AKT1: variants seen among roughly 807,000 people sequenced by gnomAD.
AKT1 encodes RAC-alpha serine/threonine-protein kinase.
Under a neutral mutation model 63.1 loss-of-function variants are expected in AKT1, and 21 were observed. That is an observed-to-expected ratio of 0.33 (90% CI 0.24 to 0.48). The LOEUF is 0.48. AKT1 is among the 20% of genes least tolerant of loss of function. AKT1 has a pLI of 0.99. For synonymous variants in AKT1, 257 were observed against 253.1 expected, an observed-to-expected ratio of 1.02 and a Z score of -0.15; for missense variants, 382 against 666.0, an observed-to-expected ratio of 0.57 and a Z score of 4.69.
chr14:104,772,262 G>A (rs1171797943), intron 13 of AKT1, 103 bp downstream of exon 13: 1 of 1,262,648 alleles, frequency 7.9e-7, no homozygotes, highest in African/African-American at 1.5e-5. Flanking sequence ...CTCCTGAGGT[G>A]AGGGCGAGTG....
In AKT1 at chr14:104,773,563, G is replaced by A. The variant is rs1351020575; in HGVS notation, c.720C>T (p.Ser240=). 1 of 1,607,402 alleles carries A rather than the reference G, an allele frequency of 6.2e-7. No individual in the cohort carries two copies. Among genetic ancestry groups the A allele is most frequent in the Admixed American group, 1.7e-5 (1 of 58,748 alleles). Residue 240 remains serine, a synonymous_variant, in exon 10 of 15, where the codon TCC becomes TCT. Transcript: ENST00000649815. Reference sequence around the variant, plus strand: ...GGTCCTCGGAGAACACACGCTCCCGGGACAGGTGGAAGAACAGCTGCGGGA... The same window carrying A: ...GGTCCTCGGAGAACACACGCTCCCGAGACAGGTGGAAGAACAGCTGCGGGA... ...ANGGELFFHL[S]RERVFSEDRA...
intron 8 of AKT1, 100 bp from the exon 9 acceptor site, chr14:104,774,080 AC>A: frequency 8.7e-7 from 1 of 1,155,988 alleles, no homozygotes; most frequent in Non-Finnish European, 1.3e-6. Flanking sequence ...GTCGCCTGAT[AC>A]CACACCGCCC....
chr14:104,776,966 C>T, intron 4 of AKT1, 196 bp from the exon 5 acceptor site: 1 of 557,066 alleles, frequency 1.8e-6, no homozygotes, highest in South Asian at 2.1e-5. Flanking sequence ...AGCTCAGACA[C>T]TCTACTCCAG....
At chr14:104,785,773 C>T (rs1468227200) in intron 3 of AKT1, among the ~76,000 whole-genome samples, 1 of 152,188 alleles carries the variant, frequency 6.6e-6, no homozygotes, top group Non-Finnish European at 1.5e-5. Context: ...GCCCGACACA[C>T]ACACCCCGGG....
intron 5 of AKT1, chr14:104,776,003 C>T (rs1376518302): frequency 3.4e-6 from 2 of 589,220 alleles, no homozygotes; most frequent in African/African-American, 1.9e-5. Flanking sequence ...GACACCCAGG[C>T]TTAGCCCCCC....
chr14:104,777,452 G>A (rs1199086284), intron 4 of AKT1: 1 of 766,088 alleles, frequency 1.3e-6, no homozygotes, highest in Non-Finnish European at 1.6e-6. Flanking sequence ...GGAATACACA[G>A]ACATCTAGAA....
At chr14:104,776,912 C>G in intron 4 of AKT1, 142 bp from the exon 5 acceptor site, 3 of 651,448 alleles carry the variant, frequency 4.6e-6, no homozygotes, top group Non-Finnish European at 7.9e-6. Flanking sequence ...TCTCTCCAAG[C>G]CTCAGTTTCT....
chr14:104,773,754 C>A, intron 9 of AKT1, 158 bp downstream of exon 9: 1 of 1,220,616 alleles, frequency 8.2e-7, no homozygotes. Flanking sequence ...AACAAGTCAC[C>A]CCACAGCAGG....
chr14:104,774,029 C>T (rs749405704), intron 8 of AKT1, 49 bp from the exon 9 acceptor site: 1 of 1,566,402 alleles, frequency 6.4e-7, no homozygotes, highest in Non-Finnish European at 8.7e-7. Context: ...AGGACGGCAG[C>T]CCCGCACCAC....
At chr14:104,776,861 T>A (rs1892744910) in intron 4 of AKT1, 91 bp from the exon 5 acceptor site, 1 of 1,036,876 alleles carries the variant, frequency 9.6e-7, no homozygotes, top group East Asian at 2.6e-5. Context: ...CAGCTCCCCT[T>A]GCATACCACC....
At position 104,773,533 on chromosome 14, in the gene AKT1, G is replaced by C. The variant is rs1892522821; in HGVS notation, c.750C>G (p.Ala250=). 1 of 1,612,702 alleles carries C rather than the reference G, an allele frequency of 6.2e-7. No homozygotes were observed. Residue 250 remains alanine, a synonymous_variant, in exon 10 of 15, where the codon GCC becomes GCG. Transcript: ENST00000649815. Reference sequence around the variant, plus strand: ...ACACAATCTCAGCGCCATAGAAGCGGGCCCGGTCCTCGGAGAACACACGCT... The same window carrying C: ...ACACAATCTCAGCGCCATAGAAGCGCGCCCGGTCCTCGGAGAACACACGCT... The part of the protein sequence containing the change: ...SRERVFSEDR[A]RFYGAEIVSA...
At chr14:104,782,643 G>A (rs1399773969) in intron 3 of AKT1, among the ~76,000 whole-genome samples, 3 of 152,170 alleles carry the variant, frequency 2.0e-5, no homozygotes, top group Non-Finnish European at 4.4e-5. Context: ...AATGGGCCCT[G>A]GGCTTTCAGT....
intron 3 of AKT1, among the ~76,000 whole-genome samples, chr14:104,792,298 C>T (rs764615685): frequency 3.9e-5 from 6 of 152,196 alleles, no homozygotes; most frequent in Non-Finnish European, 8.8e-5. Flanking sequence ...CCAGTGTCCT[C>T]GCTGCCTTCC....
chr14:104,790,687 A>C (rs1893583932), intron 3 of AKT1, among the ~76,000 whole-genome samples: 1 of 152,106 alleles, frequency 6.6e-6, no homozygotes, highest in Non-Finnish European at 1.5e-5. Context: ...CGCCCACTAC[A>C]CTGGGGATGG....
chr14:104,783,871 G>GGTCT (rs1428479627), intron 3 of AKT1, among the ~76,000 whole-genome samples: 4 of 152,318 alleles, frequency 2.6e-5, no homozygotes, highest in Non-Finnish European at 5.9e-5. Flanking sequence ...TGGGCCTCAG[G>GGTCT]GTCTGGCAGG....
rs546879059 is a variant in AKT1, at chr14:104,788,081, G to C, written c.46+4517C>G. Among the ~76,000 whole-genome samples, 6 of 152,268 alleles carry C rather than the reference G, an allele frequency of 3.9e-5. 1 individual carries two copies. Among genetic ancestry groups the C allele is most frequent in the African/African-American group, 1.2e-4 (5 of 41,558 alleles). On this transcript the variant is annotated intron_variant, in intron 3 of 14. Coordinates refer to ENST00000649815, the MANE Select transcript of AKT1 (RefSeq NM_001382430.1). ...CCTCCCACCAGGAGCCAGCACACTT[G>C]CCTCCCCATCTCTGTCCCTGGCCTG...
At chr14:104,792,215 A>C (rs1379497695) in intron 3 of AKT1, among the ~76,000 whole-genome samples, 1 of 152,204 alleles carries the variant, frequency 6.6e-6, no homozygotes, top group Non-Finnish European at 1.5e-5. Flanking sequence ...GGCCAAGCCA[A>C]GCAGCCCTGC....
rs547916185 is a variant in AKT1, at chr14:104,771,650, C to T, written c.1260+715G>A. On this transcript the variant is annotated intron_variant, in intron 13 of 14. Coordinates refer to ENST00000649815, the MANE Select transcript of AKT1 (RefSeq NM_001382430.1). ...CCAGCTGGGTCCCAGGGCTGCCCAGCCCGACCAGCTGCACACAGCCTAGGA... is the reference window on the plus strand; with the variant it reads ...CCAGCTGGGTCCCAGGGCTGCCCAGTCCGACCAGCTGCACACAGCCTAGGA... The T allele has an allele frequency of 4.4e-4, 102 of 233,354 alleles. 1 individual carries two copies. Among genetic ancestry groups the T allele is most frequent in the Admixed American group, 2.3e-3 (41 of 17,880 alleles). The allele number at this position is 233,354 out of a possible 1,614,324, so 14.5% of individuals were successfully genotyped here.
chr14:104,784,454 C>A (rs1002579949), intron 3 of AKT1, among the ~76,000 whole-genome samples: 2 of 152,100 alleles, frequency 1.3e-5, no homozygotes, highest in Non-Finnish European at 2.9e-5. Context: ...CCTCCTGGGC[C>A]CCACACAACC....
Sources: gnomAD v4.1 joint callset for allele counts (sites outside exome capture counted in the v4.1 genomes callset) on GRCh38, gnomAD v4.1.1 for gene constraint, MANE v1.5 for transcripts, NCBI Gene and HGNC (gene_info 2026-07-23, HGNC 2026-07-21) for gene names.